The following DDX55 variants were observed in gnomAD, a reference collection of about 807,000 sequenced individuals.
DDX55 encodes ATP-dependent RNA helicase DDX55.
A neutral mutation model predicts 69.2 loss-of-function variants in DDX55; 56 were observed. The observed-to-expected ratio is 0.81, with a 90% CI of 0.65 to 1.01. The LOEUF (loss-of-function observed/expected upper bound fraction) is 1.01. Among genes scored for constraint, DDX55 ranks in the 50% least tolerant of loss-of-function variants. The pLI is 0.00. For missense variants in DDX55, 720 were observed against 745.1 expected (o/e 0.97, Z 0.39); for synonymous variants, 268 against 273.1 (o/e 0.98, Z 0.18).
At chr12:123,617,973 A>C in intron 11 of DDX55, 101 bp downstream of exon 11, 1 of 1,138,394 alleles carries the variant, frequency 8.8e-7, no homozygotes, top group Non-Finnish European at 1.3e-6. Flanking sequence ...TTGCAAACTC[A>C]CTGGGGCTGG....
intron 8 of DDX55, among the ~76,000 whole-genome samples, chr12:123,613,463 A>G (rs962011776): frequency 6.6e-6 from 1 of 152,130 alleles, no homozygotes; most frequent in African/African-American, 2.4e-5. Context: ...AGTTTCTCAC[A>G]TGGGTTTCAT....
chr12:123,603,959 C>T (rs763054535), intron 1 of DDX55, among the ~76,000 whole-genome samples: 13 of 152,048 alleles, frequency 8.5e-5, no homozygotes, highest in African/African-American at 1.7e-4. Flanking sequence ...TACACCACCA[C>T]GCCTGGCTAA....
In DDX55 at chr12:123,620,080, T is replaced by TG. The variant is rs767192668; in HGVS notation, c.1745dup (p.Lys583GlnfsTer17). ...AATTTGAGAAGGGCTTGTTGACAACTGGCAAAAGAACAATCAAGACAGTGG... is the reference window on the plus strand; with the variant it reads ...AATTTGAGAAGGGCTTGTTGACAACTGGGCAAAAGAACAATCAAGACAGTGG... On this transcript the variant is annotated frameshift_variant, in exon 14 of 14. Coordinates refer to ENST00000238146, the MANE Select transcript of DDX55 (RefSeq NM_020936.3). LOFTEE classifies it high-confidence loss of function. The TG allele has an allele frequency of 6.2e-7, 1 of 1,614,182 alleles. No individual in the cohort carries two copies. Among genetic ancestry groups the TG allele is most frequent in the African/African-American group, 1.3e-5 (1 of 75,064 alleles).
At chr12:123,613,695 C>T (rs772326331) in intron 8 of DDX55, among the ~76,000 whole-genome samples, 3 of 152,220 alleles carry the variant, frequency 2.0e-5, no homozygotes, top group Non-Finnish European at 4.4e-5. Flanking sequence ...TAGTTGACTT[C>T]AGCTGTGAAT....
Position 123,620,005 on chromosome 12 carries a change from T to C in DDX55, c.1668T>C (p.Asn556=). 1 of 1,614,072 alleles carries C rather than the reference T, an allele frequency of 6.2e-7. No individual in the cohort carries two copies. The highest frequency in any genetic ancestry group is 8.5e-7 in the Non-Finnish European group (1 of 1,179,980). The change falls in exon 14 of 14, where the codon AAT becomes AAC. Residue 556 remains asparagine (N), a synonymous_variant. Coordinates refer to ENST00000238146, the MANE Select transcript of DDX55 (RefSeq NM_020936.3). ...ATGAGGACATGGAAGAACTTCTTAATGACACAAGACTCTTGAAAAAACTTA... is the reference window on the plus strand; with the variant it reads ...ATGAGGACATGGAAGAACTTCTTAACGACACAAGACTCTTGAAAAAACTTA... ...IEDEDMEELL[N]DTRLLKKLKK...
chr12:123,619,129 A>C, intron 12 of DDX55, among the ~76,000 whole-genome samples: 1 of 152,138 alleles, frequency 6.6e-6, no homozygotes, highest in East Asian at 1.9e-4. Context: ...CAGCCTCCCG[A>C]GTAGCTGGGA....
intron 10 of DDX55, among the ~76,000 whole-genome samples, chr12:123,617,522 A>G (rs780629768): frequency 6.6e-6 from 1 of 152,266 alleles, no homozygotes; most frequent in Admixed American, 6.5e-5. Context: ...AGAGAGAAAG[A>G]TACAAGTTTT....
chr12:123,609,506 T>C (rs1738659237), intron 6 of DDX55, among the ~76,000 whole-genome samples: 1 of 151,300 alleles, frequency 6.6e-6, no homozygotes. Flanking sequence ...TCCTGAGTCA[T>C]CTGGGACTAC....
Position 123,619,953 on chromosome 12 carries a change from T to C in DDX55, c.1627-11T>C, listed in dbSNP as rs770171238. The stretch of plus-strand genomic sequence containing the variant: ...AAAATTTAGTAGTTTATTGGTTTCT[T>C]CTGCACTTAGGGTTCTGATATTGAA... On this transcript the variant is annotated splice_polypyrimidine_tract_variant and intron_variant, in intron 13 of 13. Coordinates refer to ENST00000238146, the MANE Select transcript of DDX55 (RefSeq NM_020936.3). 2.4e-5 allele frequency: 39 copies of C among 1,607,310 alleles called. No homozygotes were observed. Among genetic ancestry groups the C allele is most frequent in the Non-Finnish European group, 2.6e-5 (31 of 1,177,498 alleles).
chr12:123,617,612 A>T, intron 10 of DDX55, 146 bp from the exon 11 acceptor site: 1 of 519,580 alleles, frequency 1.9e-6, no homozygotes, highest in Non-Finnish European at 3.3e-6. Flanking sequence ...TCTATTTCTC[A>T]CACTAGTAAG....
In DDX55 at chr12:123,616,491, G is replaced by A. The variant is rs1954679688; in HGVS notation, c.957-20G>A. The A allele has an allele frequency of 1.2e-6, 2 of 1,612,584 alleles. No homozygotes were observed. Among genetic ancestry groups the A allele is most frequent in the Non-Finnish European group, 1.7e-6 (2 of 1,178,624 alleles). ...AGATGGTGGCCTCCTTACTCAGAAT[G>A]CTTTTTTCTCATTTCCTAGTGGGAT... On this transcript the variant is annotated intron_variant, in intron 9 of 13. Coordinates refer to ENST00000238146, the MANE Select transcript of DDX55 (RefSeq NM_020936.3).
rs140288159 is a variant in DDX55, at chr12:123,617,762, T to A, written c.1054T>A (p.Phe352Ile). The change falls in exon 11 of 14, where the codon TTC becomes ATC. Residue 352 changes from phenylalanine to isoleucine, a missense_variant. By Grantham distance (21) the Phe-to-Ile change is conservative. Coordinates refer to ENST00000238146, the MANE Select transcript of DDX55 (RefSeq NM_020936.3). ...QYDPPSNASA[F>I]VHRCGRTARI... The stretch of plus-strand genomic sequence containing the variant: ...TTCCACCCTGTGTTCTCACAGTGCC[T>A]TCGTGCATCGCTGCGGTCGCACAGC... 6.2e-7 allele frequency: 1 copy of A among 1,611,350 alleles called. No homozygotes were observed. Among genetic ancestry groups the A allele is most frequent in the South Asian group, 1.1e-5 (1 of 90,878 alleles).
rs1364331811 is a variant in DDX55 at position 123,607,682 on chromosome 12, C to T, written c.401+20C>T. On this transcript the variant is annotated intron_variant, in intron 5 of 13. Transcript: ENST00000238146. The stretch of plus-strand genomic sequence containing the variant: ...ACAAGGGTGAGTTTGCTCGTGTCTG[C>T]TTGTTTCTTTGCTTGCTTTTGGCAT... The T allele has an allele frequency of 6.2e-7, 1 of 1,614,046 alleles. No homozygotes were observed. The highest frequency in any genetic ancestry group is 1.3e-5 in the African/African-American group (1 of 75,006).
In DDX55 at chr12:123,609,934, A is replaced by G. The variant is rs1954110222; in HGVS notation, c.552-5A>G. 3.1e-6 allele frequency: 5 copies of G among 1,611,314 alleles called. No homozygotes were observed. The East Asian group carries it at 1.1e-4, about 36-fold the overall frequency. ...GCGGTTAAGTGTGAGCCCTCTTTTT[A>G]TCAGCATCAACACCATTCTGGAGTT... On this transcript the variant is annotated splice_region_variant and splice_polypyrimidine_tract_variant and intron_variant, in intron 6 of 13. Transcript: ENST00000238146.
intron 7 of DDX55, among the ~76,000 whole-genome samples, chr12:123,612,679 T>A (rs368894890): frequency 1.2e-4 from 17 of 147,404 alleles, no homozygotes; most frequent in South Asian, 4.3e-4. Flanking sequence ...AATCTGCATT[T>A]AAAAAAAAAA....
intron 7 of DDX55, among the ~76,000 whole-genome samples, chr12:123,612,841 A>T (rs965914579): frequency 5.9e-5 from 9 of 151,486 alleles, no homozygotes; most frequent in Non-Finnish European, 1.3e-4. Context: ...AAAAAGAAGA[A>T]AAAAAAAGGT....
In DDX55 at chr12:123,619,708, A is replaced by G; in HGVS notation, c.1610A>G (p.Lys537Arg). Reference protein sequence around the residue: ...KKEKKKKMNEKRKREEGSDIE... With the variant: ...KKEKKKKMNERRKREEGSDIE... ...GAAAAGAAGAAAAAAATGAATGAGA[A>G]AAGGAAAAGGGAAGAGGTAAAGTTT... The change falls in exon 13 of 14, where the codon AAA (lysine) becomes AGA (arginine). Residue 537 changes from lysine (K) to arginine (R), a missense_variant. Lys to Arg is a conservative substitution (Grantham distance 26). Coordinates refer to ENST00000238146, the MANE Select transcript of DDX55 (RefSeq NM_020936.3). The G allele has an allele frequency of 6.4e-7, 1 of 1,574,432 alleles. No homozygotes were observed. Among genetic ancestry groups the G allele is most frequent in the African/African-American group, 1.4e-5 (1 of 72,666 alleles).
chr12:123,611,955 T>C (rs1160928658), intron 7 of DDX55, among the ~76,000 whole-genome samples: 1 of 152,188 alleles, frequency 6.6e-6, no homozygotes, highest in African/African-American at 2.4e-5. Flanking sequence ...GGGGCCACAG[T>C]AGTATACAGC....
chr12:123,615,468 T>C, intron 9 of DDX55, 152 bp downstream of exon 9: 1 of 1,172,564 alleles, frequency 8.5e-7, no homozygotes, highest in Non-Finnish European at 1.2e-6. Flanking sequence ...ATCACATCTC[T>C]GTAAACACCC....
Sources: gnomAD v4.1 joint callset for allele counts (sites outside exome capture counted in the v4.1 genomes callset) on GRCh38, gnomAD v4.1.1 for gene constraint, MANE v1.5 for transcripts, NCBI Gene and HGNC (gene_info 2026-07-23, HGNC 2026-07-21) for gene names.